The following EHHADH variants were observed in gnomAD, a reference collection of about 807,000 sequenced individuals.
EHHADH encodes the protein enoyl-CoA hydratase and 3-hydroxyacyl CoA dehydrogenase, also known as peroxisomal bifunctional enzyme.
A neutral mutation model predicts 64.4 loss-of-function variants in EHHADH; 48 were observed. The observed-to-expected ratio is 0.75, with a 90% CI of 0.59 to 0.95. The LOEUF (loss-of-function observed/expected upper bound fraction) is 0.95. EHHADH is among the 40% of genes least tolerant of loss of function. The pLI, the probability that EHHADH is intolerant of heterozygous loss-of-function variation, is 0.00. For missense variants in EHHADH, 854 were observed against 876.6 expected, an observed-to-expected ratio of 0.97 and a Z score of 0.33; for synonymous variants, 308 against 326.7, an observed-to-expected ratio of 0.94 and a Z score of 0.62.
intron 5 of EHHADH, among the ~76,000 whole-genome samples, chr3:185,210,570 G>A (rs1392292717): frequency 6.6e-6 from 1 of 151,596 alleles, no homozygotes; most frequent in African/African-American, 2.4e-5. Context: ...GGGCGGCAGA[G>A]GTTGCAGTGA....
At chr3:185,200,720 T>C (rs953688925) in intron 6 of EHHADH, among the ~76,000 whole-genome samples, 3 of 152,180 alleles carry the variant, frequency 2.0e-5, no homozygotes, top group Admixed American at 6.6e-5. Context: ...GTTTTAAATG[T>C]TAGTTTTGCA....
chr3:185,197,407 G>A (rs1294000307), intron 6 of EHHADH, among the ~76,000 whole-genome samples: 1 of 152,084 alleles, frequency 6.6e-6, no homozygotes, highest in Non-Finnish European at 1.5e-5. Flanking sequence ...GAACTCTTTC[G>A]AATTGCAAAG....
intron 4 of EHHADH, among the ~76,000 whole-genome samples, chr3:185,222,913 T>C (rs1201603079): frequency 2.0e-5 from 3 of 152,212 alleles, no homozygotes; most frequent in Non-Finnish European, 4.4e-5. Context: ...GTTTTATTTG[T>C]TTTTATCCTG....
intron 6 of EHHADH, among the ~76,000 whole-genome samples, chr3:185,200,069 C>A (rs1718183219): frequency 6.6e-6 from 1 of 152,156 alleles, no homozygotes; most frequent in Non-Finnish European, 1.5e-5. Context: ...AAACCCTGGT[C>A]CTAGAATGAC....
At chr3:185,226,722 C>G (rs1056561177) in intron 4 of EHHADH, 2 of 151,842 alleles carry the variant, frequency 1.3e-5, no homozygotes, top group African/African-American at 2.4e-5. Context: ...GTCACAGTGT[C>G]TTGACTCCGA....
At chr3:185,248,809 CACCA>C (rs1719666594) in intron 1 of EHHADH, among the ~76,000 whole-genome samples, 1 of 152,132 alleles carries the variant, frequency 6.6e-6, no homozygotes, top group African/African-American at 2.4e-5. Flanking sequence ...TTAAAATTGA[CACCA>C]ACCAATTTAA....
chr3:185,204,447 T>C lies in EHHADH; in HGVS notation c.879A>G (p.Ser293=), dbSNP rs1341302414. The C allele has an allele frequency of 6.2e-7, 1 of 1,612,538 alleles. No individual in the cohort carries two copies. Among genetic ancestry groups the C allele is most frequent in the African/African-American group, 1.3e-5 (1 of 74,914 alleles). Residue 293 remains serine, a synonymous_variant, in exon 6 of 7, where the codon TCA becomes TCG. Transcript: ENST00000231887. ...CACCAACTGAGGAGACAGGCCGCGC[T>C]GATGCTGTTTTCCACGATGCTCCGG... The part of the protein sequence containing the change: ...TPSGASWKTA[S]ARPVSSVGVV...
chr3:185,192,290 GA>G lies in EHHADH; in HGVS notation c.2107del (p.Ser703LeufsTer7), dbSNP rs780597802. The G allele has an allele frequency of 8.7e-6, 14 of 1,614,052 alleles. No homozygotes were observed. Among genetic ancestry groups the G allele is most frequent in the Non-Finnish European group, 8.5e-6 (10 of 1,180,026 alleles). On this transcript the variant is annotated frameshift_variant, in exon 7 of 7. Transcript: ENST00000231887. LOFTEE classifies it high-confidence loss of function. ...EPSDYLKKLA[S>X]QGNPPLKEWQ... is the part of the protein sequence containing the mutation. ...TTCTTTCAGGGGAGGGTTTCCCTGA[GA>G]AGCCAGTTTTTTTAGATAGTCACTT...
chr3:185,197,103 AT>A (rs1049668183), intron 6 of EHHADH, among the ~76,000 whole-genome samples: 3 of 152,072 alleles, frequency 2.0e-5, no homozygotes, highest in Non-Finnish European at 4.4e-5. Flanking sequence ...CAGAAAATAG[AT>A]TCGTGGTTGC....
intron 2 of EHHADH, chr3:185,246,068 T>C (rs1719586642): frequency 7.8e-7 from 1 of 1,277,704 alleles, no homozygotes; most frequent in Non-Finnish European, 1.1e-6. Context: ...ATTCTTCTTT[T>C]TCTTCTTTTT....
chr3:185,217,445 C>T (rs1262902908), intron 5 of EHHADH, among the ~76,000 whole-genome samples: 1 of 149,428 alleles, frequency 6.7e-6, no homozygotes, highest in African/African-American at 2.5e-5. Context: ...ACTTGGGCTG[C>T]TGAGGCAAGA....
At chr3:185,222,153 G>A (rs1032722706) in intron 4 of EHHADH, among the ~76,000 whole-genome samples, 1 of 152,038 alleles carries the variant, frequency 6.6e-6, no homozygotes, top group Non-Finnish European at 1.5e-5. Flanking sequence ...GCCAAGGCAG[G>A]AGGATCACCT....
At chr3:185,214,969 C>T (rs551751532) in intron 5 of EHHADH, among the ~76,000 whole-genome samples, 38 of 152,136 alleles carry the variant, frequency 2.5e-4, no homozygotes, top group Middle Eastern at 3.4e-3. Context: ...TAATTTTAAG[C>T]CTCTATAAGT....
In EHHADH at chr3:185,248,432, C is replaced by G; in HGVS notation, c.160G>C (p.Glu54Gln). 3 of 1,614,054 alleles carry G rather than the reference C, an allele frequency of 1.9e-6. No homozygotes were observed. The highest frequency in any genetic ancestry group is 1.7e-6 in the Non-Finnish European group (2 of 1,179,908). The change falls in exon 2 of 7, where the codon GAG (glutamate) becomes CAG (glutamine). Residue 54 changes from glutamate (E) to glutamine (Q), a missense_variant. Coordinates refer to ENST00000231887, the MANE Select transcript of EHHADH (RefSeq NM_001966.4). The part of the protein sequence containing the change: ...TIKAIVICGA[E>Q]GKFSAGADIR... ...GAGTTACCTGCAGAAAATTTGCCCT[C>G]TGCTCCACAAATCACAATGGCTTTT...
chr3:185,236,392 C>T (rs1231890941), intron 2 of EHHADH, among the ~76,000 whole-genome samples: 2 of 151,250 alleles, frequency 1.3e-5, no homozygotes, highest in South Asian at 4.2e-4. Flanking sequence ...CCTGCACCCC[C>T]ACCCACTACC....
At chr3:185,194,625 A>G (rs1312889901) in intron 6 of EHHADH, among the ~76,000 whole-genome samples, 1 of 150,656 alleles carries the variant, frequency 6.6e-6, no homozygotes, top group Non-Finnish European at 1.5e-5. Flanking sequence ...CAACAACAAC[A>G]ACAACAACAA....
At chr3:185,221,697 C>T (rs1187765814) in intron 4 of EHHADH, among the ~76,000 whole-genome samples, 1 of 151,164 alleles carries the variant, frequency 6.6e-6, no homozygotes, top group African/African-American at 2.4e-5. Context: ...CTCAGTCTCT[C>T]GAGTAGTTGG....
chr3:185,205,412 T>C (rs12053926), intron 5 of EHHADH, among the ~76,000 whole-genome samples: 8,693 of 152,198 alleles, frequency 0.057, 326 homozygotes, highest in Admixed American at 0.084. Flanking sequence ...CCGTTCCTAA[T>C]AGTAACAAAA....
intron 5 of EHHADH, among the ~76,000 whole-genome samples, chr3:185,208,026 T>C (rs1030349985): frequency 6.6e-5 from 10 of 152,208 alleles, no homozygotes; most frequent in African/African-American, 2.2e-4. Context: ...CCGCAACAAA[T>C]GTGGTAGACA....
Sources: allele counts gnomAD v4.1 joint callset (sites outside exome capture counted in the v4.1 genomes callset), GRCh38; gene constraint gnomAD v4.1.1; transcripts MANE v1.5; gene names NCBI Gene and HGNC (gene_info 2026-07-23, HGNC 2026-07-21).